The following PCYT1B variants were observed in gnomAD, a reference collection of about 807,000 sequenced individuals.
PCYT1B encodes the protein phosphate cytidylyltransferase 1B, choline.
PCYT1B carries 10 observed loss-of-function variants against 26.4 expected under a neutral mutation model. That is an observed-to-expected ratio of 0.38 (90% confidence interval 0.23 to 0.64). The LOEUF is 0.64. Among genes scored for constraint, PCYT1B ranks in the 30% least tolerant of loss-of-function variants. PCYT1B has a pLI of 0.56. For synonymous variants in PCYT1B, 131 were observed against 108.4 expected (o/e 1.21, Z -1.29); for missense variants, 161 against 292.7 (o/e 0.55, Z 3.28).
intron 5 of PCYT1B, among the ~76,000 whole-genome samples, chrX:24,583,745 A>G (rs1924277090): frequency 8.9e-6 from 1 of 111,883 alleles, no homozygotes; most frequent in South Asian, 3.8e-4. Context: ...CCCCCAGGAA[A>G]CACTGATTCA....
chrX:24,614,759 G>A (rs1483282534), intron 2 of PCYT1B, among the ~76,000 whole-genome samples: 1 of 111,801 alleles, frequency 8.9e-6, no homozygotes, highest in Non-Finnish European at 1.9e-5. Flanking sequence ...AAAAAGTAAC[G>A]TTTTTCTTGT....
chrX:24,613,397 T>C (rs1485733716), intron 2 of PCYT1B, among the ~76,000 whole-genome samples: 1 of 112,185 alleles, frequency 8.9e-6, no homozygotes, highest in Non-Finnish European at 1.9e-5. Flanking sequence ...CCATTGCTAC[T>C]AGCTAATGAT....
chrX:24,585,708 A>G (rs1170647257), intron 5 of PCYT1B, among the ~76,000 whole-genome samples: 1 of 111,668 alleles, frequency 9.0e-6, no homozygotes, highest in African/African-American at 3.3e-5. Flanking sequence ...TCAGGAGAAA[A>G]AGGCAAAAAG....
exon 1 of PCYT1B, chrX:24,672,632 T>C (rs1927278888): frequency 8.4e-7 from 1 of 1,194,975 alleles, no homozygotes; most frequent in Non-Finnish European, 1.1e-6. Flanking sequence ...TGGCCTACCA[T>C]GCCTGCTCCT....
chrX:24,658,695 T>C (rs746352086), intron 1 of PCYT1B, among the ~76,000 whole-genome samples: 1 of 111,368 alleles, frequency 9.0e-6, no homozygotes, highest in South Asian at 3.8e-4. Flanking sequence ...TTGAGTTCCT[T>C]TGGATAATCC....
intron 7 of PCYT1B, among the ~76,000 whole-genome samples, chrX:24,564,422 G>A (rs971037309): frequency 3.7e-5 from 4 of 106,976 alleles, no homozygotes; most frequent in Admixed American, 3.0e-4. Flanking sequence ...GCGCGATCTC[G>A]GTTCACTGCA....
intron 1 of PCYT1B, among the ~76,000 whole-genome samples, chrX:24,625,321 C>T (rs1925848098): frequency 8.9e-6 from 1 of 111,856 alleles, no homozygotes; most frequent in Non-Finnish European, 1.9e-5. Flanking sequence ...TGTTTCTGAA[C>T]ATATTTTTAA....
At chrX:24,667,444 C>A (rs780874068) in intron 1 of PCYT1B, among the ~76,000 whole-genome samples, 7 of 111,408 alleles carry the variant, frequency 6.3e-5, no homozygotes, top group African/African-American at 2.3e-4. Flanking sequence ...AGGCTGGATG[C>A]AGTGGCTTAC....
At chrX:24,619,879 T>C (rs942809074) in intron 1 of PCYT1B, among the ~76,000 whole-genome samples, 2 of 111,636 alleles carry the variant, frequency 1.8e-5, no homozygotes, top group Non-Finnish European at 3.8e-5. Context: ...CCCTGCATTT[T>C]TTAGTCAGCC....
intron 7 of PCYT1B, among the ~76,000 whole-genome samples, chrX:24,563,270 G>A (rs994181419): frequency 1.8e-5 from 2 of 112,126 alleles, no homozygotes; most frequent in African/African-American, 6.5e-5. Flanking sequence ...AGCAAGTGGG[G>A]CTGGGAGCAG....
chrX:24,671,713 T>A (rs1927260620), intron 1 of PCYT1B, among the ~76,000 whole-genome samples: 1 of 111,357 alleles, frequency 9.0e-6, no homozygotes. Flanking sequence ...TCTGCCTCGT[T>A]GTTGGGAAGC....
chrX:24,579,204 A>AGC, intron 6 of PCYT1B, 112 bp downstream of exon 6: 1 of 596,770 alleles, frequency 1.7e-6, no homozygotes, highest in Non-Finnish European at 2.5e-6. Context: ...AAAAAAAGAG[A>AGC]GAGAGAGAGG....
intron 1 of PCYT1B, among the ~76,000 whole-genome samples, chrX:24,646,737 C>T (rs747836186): frequency 2.7e-5 from 3 of 111,267 alleles, no homozygotes; most frequent in Non-Finnish European, 5.7e-5. Flanking sequence ...CTCCCCTCCT[C>T]CCGAAGCACA....
chrX:24,571,693 G>T (rs1160661419), intron 7 of PCYT1B, among the ~76,000 whole-genome samples: 1 of 111,174 alleles, frequency 9.0e-6, no homozygotes, highest in African/African-American at 3.3e-5. Context: ...AAGGCAAGAG[G>T]GTCTCTTGAG....
chrX:24,589,554 G>A (rs1045442307), intron 4 of PCYT1B, among the ~76,000 whole-genome samples: 9 of 112,061 alleles, frequency 8.0e-5, no homozygotes, highest in African/African-American at 2.9e-4. Flanking sequence ...GAAAAAGAAT[G>A]CCTGTGAATC....
At chrX:24,653,864 C>T (rs910513048) in intron 1 of PCYT1B, among the ~76,000 whole-genome samples, 10 of 108,662 alleles carry the variant, frequency 9.2e-5, no homozygotes, top group Non-Finnish European at 1.7e-4. Flanking sequence ...AAGCGATTCT[C>T]CTGCTTCAGC....
upstream of PCYT1B, among the ~76,000 whole-genome samples, chrX:24,650,543 A>G (rs1205080852): frequency 9.0e-6 from 1 of 111,148 alleles, no homozygotes; most frequent in Admixed American, 9.6e-5. Context: ...GCTGGTCTGG[A>G]ACTTCTGGCC....
rs779452422 is a variant in PCYT1B at position 24,619,025 on chromosome X, A to T, written c.177T>A (p.His59Gln). Residue 59 changes from histidine to glutamine, a missense_variant, in exon 2 of 8, where the codon CAT becomes CAA. By Grantham distance (24) the His-to-Gln change is conservative (BLOSUM62 0). Transcript: ENST00000379144. ...GGGCCTGAGCAATGGTCAGTTTTTC[A>T]TGGGGTGCTTGACACTGGCAGTTGG... ...DETNCQCQAP[H>Q]EKLTIAQARL... The T allele has an allele frequency of 8.5e-7, 1 of 1,179,041 alleles. No homozygotes were observed. Among genetic ancestry groups the T allele is most frequent in the South Asian group, 2.0e-5 (1 of 50,905 alleles).
intron 1 of PCYT1B, among the ~76,000 whole-genome samples, chrX:24,664,120 G>A (rs1462807694): frequency 1.8e-5 from 2 of 110,390 alleles, no homozygotes; most frequent in Admixed American, 9.7e-5. Context: ...AGTACTACTG[G>A]TATCTAGTGG....
Sources: allele counts gnomAD v4.1 joint callset (sites outside exome capture counted in the v4.1 genomes callset), GRCh38; gene constraint gnomAD v4.1.1; transcripts MANE v1.5; gene names NCBI Gene and HGNC (gene_info 2026-07-23, HGNC 2026-07-21).